The following EDIL3 variants were observed in gnomAD, a reference collection of about 807,000 sequenced individuals.
The protein encoded by EDIL3 is EGF like and discoidin domains 3.
In EDIL3, 37 loss-of-function variants were observed where a neutral mutation model predicts 67.4. That is an observed-to-expected ratio of 0.55 (90% CI 0.42 to 0.72). The LOEUF is 0.72. Among genes scored for constraint, EDIL3 ranks in the 30% least tolerant of loss-of-function variants. The probability of loss-of-function intolerance (pLI) is 0.00; values close to 1 mark genes in which losing one functional copy is unlikely to be tolerated. For missense variants in EDIL3, 527 were observed against 586.3 expected (o/e 0.90, Z 1.04); for synonymous variants, 195 against 196.3 (o/e 0.99, Z 0.05).
At chr5:84,280,866 G>C (rs1336862715) in intron 1 of EDIL3, among the ~76,000 whole-genome samples, 1 of 144,912 alleles carries the variant, frequency 6.9e-6, no homozygotes, top group East Asian at 2.1e-4. Context: ...TAGGAGGATT[G>C]CTTGAGCCCA....
chr5:84,054,252 TCAA>T, intron 9 of EDIL3, among the ~76,000 whole-genome samples: 2 of 152,284 alleles, frequency 1.3e-5, no homozygotes, highest in Middle Eastern at 6.8e-3. Flanking sequence ...TTGACAAATT[TCAA>T]CAACTCTTCA....
At chr5:84,025,109 G>T (rs1340404142) in intron 9 of EDIL3, among the ~76,000 whole-genome samples, 1 of 152,054 alleles carries the variant, frequency 6.6e-6, no homozygotes, top group Non-Finnish European at 1.5e-5. Flanking sequence ...CCCTTGAAAT[G>T]AGTTTACCTT....
At chr5:84,302,069 A>G (rs779814962) in intron 1 of EDIL3, among the ~76,000 whole-genome samples, 4 of 152,184 alleles carry the variant, frequency 2.6e-5, no homozygotes, top group Admixed American at 6.5e-5. Context: ...ATACACGTAT[A>G]TAGAAAGTAT....
At chr5:84,266,758 G>A (rs1277059867) in intron 1 of EDIL3, among the ~76,000 whole-genome samples, 3 of 152,102 alleles carry the variant, frequency 2.0e-5, no homozygotes, top group African/African-American at 7.2e-5. Context: ...CACACAAACT[G>A]TTCCTGACAA....
At chr5:84,178,632 A>G (rs1331611908) in intron 4 of EDIL3, among the ~76,000 whole-genome samples, 1 of 152,210 alleles carries the variant, frequency 6.6e-6, no homozygotes, top group Non-Finnish European at 1.5e-5. Context: ...TCCAATTTGT[A>G]CGTCTAAAAA....
At chr5:83,981,196 A>C (rs1744964350) in intron 9 of EDIL3, among the ~76,000 whole-genome samples, 1 of 152,076 alleles carries the variant, frequency 6.6e-6, no homozygotes, top group Non-Finnish European at 1.5e-5. Context: ...ATCTCAAGAA[A>C]ACTCCACAAA....
intron 4 of EDIL3, among the ~76,000 whole-genome samples, chr5:84,165,973 C>A (rs527764379): frequency 6.6e-6 from 1 of 152,258 alleles, no homozygotes; most frequent in South Asian, 2.1e-4. Context: ...ACCCTTTCAT[C>A]TTTTCTTGCT....
intron 2 of EDIL3, among the ~76,000 whole-genome samples, chr5:84,231,219 T>A (rs963897833): frequency 6.6e-6 from 1 of 152,162 alleles, no homozygotes; most frequent in African/African-American, 2.4e-5. Context: ...CCAAGGGCAA[T>A]AACCTACTGC....
At chr5:84,305,917 A>AG (rs78636391) in intron 1 of EDIL3, among the ~76,000 whole-genome samples, 1,573 of 148,190 alleles carry the variant, frequency 0.011, 25 homozygotes, top group African/African-American at 0.037. Context: ...ATAAATAAAT[A>AG]AATAGATAGA....
intron 9 of EDIL3, among the ~76,000 whole-genome samples, chr5:83,975,257 G>T (rs1273576540): frequency 6.6e-6 from 1 of 151,686 alleles, no homozygotes; most frequent in Admixed American, 6.6e-5. Context: ...ATTACACAAG[G>T]GCTAATTTCT....
chr5:84,153,797 AT>A (rs924874921), intron 4 of EDIL3, among the ~76,000 whole-genome samples: 3 of 152,178 alleles, frequency 2.0e-5, no homozygotes, highest in Non-Finnish European at 4.4e-5. Context: ...TTTGATTTAC[AT>A]TTTACAACAT....
intron 6 of EDIL3, among the ~76,000 whole-genome samples, chr5:84,082,703 G>A (rs1474974848): frequency 6.6e-6 from 1 of 152,054 alleles, no homozygotes; most frequent in Non-Finnish European, 1.5e-5. Context: ...CATATGTTCT[G>A]AGAAATAACA....
chr5:84,384,001 A>C (rs1263153613), intron 1 of EDIL3, among the ~76,000 whole-genome samples: 2 of 151,984 alleles, frequency 1.3e-5, no homozygotes, highest in East Asian at 3.9e-4. Context: ...GCCGAGACCC[A>C]GTGGCCGAGT....
At chr5:84,179,429 C>A (rs148446109) in intron 4 of EDIL3, among the ~76,000 whole-genome samples, 1 of 152,182 alleles carries the variant, frequency 6.6e-6, no homozygotes, top group Admixed American at 6.5e-5. Flanking sequence ...TAGGTTTCTA[C>A]GGAAATTCTA....
intron 1 of EDIL3, among the ~76,000 whole-genome samples, chr5:84,340,500 A>T (rs1747081499): frequency 1.4e-5 from 1 of 73,226 alleles, no homozygotes. Context: ...CAAAGGGAAG[A>T]TTACTCTCTC....
At chr5:84,181,751 A>C (rs903315711) in intron 3 of EDIL3, among the ~76,000 whole-genome samples, 3 of 152,212 alleles carry the variant, frequency 2.0e-5, no homozygotes, top group African/African-American at 7.2e-5. Context: ...GAAGGAAGGA[A>C]AAGCTCTCCC....
chr5:83,953,909 A>G (rs1744462688), intron 10 of EDIL3, among the ~76,000 whole-genome samples: 1 of 151,874 alleles, frequency 6.6e-6, no homozygotes, highest in Admixed American at 6.6e-5. Context: ...ATTCAACCAA[A>G]GGAACTACGT....
chr5:84,298,424 A>C (rs1347009294), intron 1 of EDIL3, among the ~76,000 whole-genome samples: 2 of 152,148 alleles, frequency 1.3e-5, no homozygotes, highest in Non-Finnish European at 2.9e-5. Flanking sequence ...GGGGGCTGAC[A>C]ATGAGAAGAC....
chr5:84,064,437 C>T (rs1746597714), intron 8 of EDIL3, among the ~76,000 whole-genome samples: 1 of 152,166 alleles, frequency 6.6e-6, no homozygotes, highest in Non-Finnish European at 1.5e-5. Flanking sequence ...GACAATTTTC[C>T]CGTGAGAATT....
Sources: allele counts gnomAD v4.1 joint callset (sites outside exome capture counted in the v4.1 genomes callset), GRCh38; gene constraint gnomAD v4.1.1; transcripts MANE v1.5; gene names NCBI Gene and HGNC (gene_info 2026-07-23, HGNC 2026-07-21).